SLC2A12: variants seen among roughly 807,000 people sequenced by gnomAD.
SLC2A12 encodes the protein solute carrier family 2 member 12, also known as solute carrier family 2, facilitated glucose transporter member 12.
A neutral mutation model predicts 41.8 loss-of-function variants in SLC2A12; 23 were observed. The ratio of observed to expected loss-of-function variants is 0.55; its 90% CI spans 0.40 to 0.78. The LOEUF is 0.78. SLC2A12 is among the 30% of genes least tolerant of loss of function. SLC2A12 has a pLI of 0.00. For missense variants in SLC2A12, 654 were observed against 745.6 expected (o/e 0.88, Z 1.43); for synonymous variants, 295 against 285.9 (o/e 1.03, Z -0.32).
Position 134,052,501 on chromosome 6 carries a change from C to G in SLC2A12, c.-21G>C. On this transcript the variant is annotated 5_prime_UTR_variant, in exon 1 of 5. Transcript: ENST00000275230. ...ACCATGGTCACGTAGAAGTTACAGCCGCTTCCCCGCCACCAAACCGCCCCG... is the reference window on the plus strand; with the variant it reads ...ACCATGGTCACGTAGAAGTTACAGCGGCTTCCCCGCCACCAAACCGCCCCG... 20 of 1,602,618 alleles carry G rather than the reference C, an allele frequency of 1.2e-5. No individual in the cohort carries two copies. Among genetic ancestry groups the G allele is most frequent in the Non-Finnish European group, 1.7e-5 (20 of 1,172,406 alleles).
intron 1 of SLC2A12, among the ~76,000 whole-genome samples, chr6:134,033,157 C>T (rs2114488172): frequency 6.6e-6 from 1 of 152,072 alleles, no homozygotes; most frequent in South Asian, 2.1e-4. Context: ...AGAGGGGGCA[C>T]TTCAAGTAGG....
rs577504435 is a variant in SLC2A12 at position 134,044,887 on chromosome 6, T to C, written c.103+7491A>G. ...CATTGACTCCTTCAACAATTAAGCA[T>C]GAACTATGTGCCAGCACTGTCTGGC... On this transcript the variant is annotated intron_variant, in intron 1 of 4. Transcript: ENST00000275230. Among the ~76,000 whole-genome samples, 23 of 152,304 alleles carry C rather than the reference T, an allele frequency of 1.5e-4. No homozygotes were observed. In the South Asian group the frequency reaches 4.4e-3, roughly 29 times the overall value.
intron 2 of SLC2A12, among the ~76,000 whole-genome samples, chr6:134,012,441 T>C (rs1397891210): frequency 6.6e-6 from 1 of 152,236 alleles, no homozygotes; most frequent in Non-Finnish European, 1.5e-5. Context: ...ACTATGGCAG[T>C]GGTCTTCAAA....
chr6:134,049,459 T>C (rs867402449), intron 1 of SLC2A12, among the ~76,000 whole-genome samples: 1 of 152,314 alleles, frequency 6.6e-6, no homozygotes, highest in Middle Eastern at 3.4e-3. Context: ...GCCACCAGGG[T>C]CAGTTCTGCA....
chr6:134,000,115 A>T (rs1468855875), intron 4 of SLC2A12, among the ~76,000 whole-genome samples: 1 of 152,220 alleles, frequency 6.6e-6, no homozygotes, highest in East Asian at 1.9e-4. Context: ...CCAAGGATAT[A>T]GCCAGCCTTC....
intron 1 of SLC2A12, among the ~76,000 whole-genome samples, chr6:134,040,058 G>GTTTT (rs11371413): frequency 1.4e-5 from 2 of 139,328 alleles, no homozygotes; most frequent in Admixed American, 7.1e-5. Context: ...GTTGTTTTTT[G>GTTTT]TTTTTTTTTT....
At chr6:134,044,713 T>TA (rs35658583) in intron 1 of SLC2A12, among the ~76,000 whole-genome samples, 42,050 of 100,234 alleles carry the variant, frequency 0.42, 8,696 homozygotes, top group South Asian at 0.58. Context: ...AAACTCCGTC[T>TA]AAAAAAAAAA....
In SLC2A12 at chr6:134,028,369, T is replaced by A. The variant is rs778615410; in HGVS notation, c.1444+12A>T. On this transcript the variant is annotated intron_variant, in intron 2 of 4. Coordinates refer to ENST00000275230, the MANE Select transcript of SLC2A12 (RefSeq NM_145176.3). ...TGGTCAAAAGCAATACATTAAAGAA[T>A]AAAGTACTTACTTGGTCCTAGACCA... is the stretch of plus-strand genomic sequence containing the variant. The A allele has an allele frequency of 1.3e-5, 20 of 1,588,514 alleles. No individual in the cohort carries two copies. In the African/African-American group the frequency reaches 2.4e-4, roughly 19 times the overall value.
chr6:134,007,944 T>C (rs1028742549), intron 2 of SLC2A12, among the ~76,000 whole-genome samples: 2 of 152,236 alleles, frequency 1.3e-5, no homozygotes, highest in African/African-American at 2.4e-5. Flanking sequence ...TTTGTCATTG[T>C]GCTTTATTGA....
chr6:134,012,119 T>C (rs113246333), intron 2 of SLC2A12, among the ~76,000 whole-genome samples: 44 of 152,360 alleles, frequency 2.9e-4, no homozygotes, highest in African/African-American at 1.0e-3. Context: ...GTGGTTGCTT[T>C]AATTTCTTGT....
chr6:134,003,887 T>G (rs1425482599), intron 3 of SLC2A12, among the ~76,000 whole-genome samples: 1 of 152,218 alleles, frequency 6.6e-6, no homozygotes, highest in Non-Finnish European at 1.5e-5. Context: ...TAAAAAATGT[T>G]GGTGTTTAAG....
At chr6:133,996,657 A>G (rs1235264170) in intron 4 of SLC2A12, among the ~76,000 whole-genome samples, 2 of 152,200 alleles carry the variant, frequency 1.3e-5, no homozygotes, top group Non-Finnish European at 2.9e-5. Context: ...CTTGGTGACA[A>G]AAGTTGATTC....
At chr6:133,998,657 C>G (rs1176134946) in intron 4 of SLC2A12, among the ~76,000 whole-genome samples, 1 of 152,244 alleles carries the variant, frequency 6.6e-6, no homozygotes, top group African/African-American at 2.4e-5. Context: ...CCTCCTACCT[C>G]AGCTTCCTGA....
rs368066290 is a variant in SLC2A12, at chr6:134,029,717, G to T, written c.108C>A (p.Cys36Ter). ...GSRHPPWARG[C>*]GMFTFLSSVT... ...CAGATGACAGGAAGGTAAACATGCCGCAGCCTGCAAGCAGAGAGAAGAGAC... is the reference window on the plus strand; with the variant it reads ...CAGATGACAGGAAGGTAAACATGCCTCAGCCTGCAAGCAGAGAGAAGAGAC... The change falls in exon 2 of 5, where the codon TGC becomes TGA. Residue 36 changes from cysteine to a stop codon, truncating the protein, a stop_gained. Transcript: ENST00000275230. LOFTEE classifies it high-confidence loss of function. 3.8e-6 allele frequency: 6 copies of T among 1,593,198 alleles called. No homozygotes were observed. The highest frequency in any genetic ancestry group is 4.5e-5 in the East Asian group (2 of 44,636).
At chr6:134,050,921 T>TTTATTA (rs368163308) in intron 1 of SLC2A12, among the ~76,000 whole-genome samples, 8 of 151,602 alleles carry the variant, frequency 5.3e-5, no homozygotes, top group Non-Finnish European at 8.8e-5. Context: ...CAGATATTCT[T>TTTATTA]TTATTATTAT....
At position 134,046,719 on chromosome 6, in the gene SLC2A12, G is replaced by A. The variant is rs556394272; in HGVS notation, c.103+5659C>T. Among the ~76,000 whole-genome samples the A allele has an allele frequency of 2.2e-4, 33 of 152,244 alleles. No homozygotes were observed. The South Asian group carries it at 2.3e-3, about 11-fold the overall frequency. Reference sequence around the variant, plus strand: ...CCAGCTTCTTGGGTGGCTGAGGCACGAAAACTGCTTGAACCCAGGAGGTGG... The same window carrying A: ...CCAGCTTCTTGGGTGGCTGAGGCACAAAAACTGCTTGAACCCAGGAGGTGG... On this transcript the variant is annotated intron_variant, in intron 1 of 4. Coordinates refer to ENST00000275230, the MANE Select transcript of SLC2A12 (RefSeq NM_145176.3).
At chr6:134,018,197 C>T (rs1776989736) in intron 2 of SLC2A12, among the ~76,000 whole-genome samples, 1 of 152,156 alleles carries the variant, frequency 6.6e-6, no homozygotes, top group African/African-American at 2.4e-5. Context: ...CTGTTCACCT[C>T]ATGTCTAGAC....
rs905641226 is a variant in SLC2A12, at chr6:133,990,146, C to G, written c.*1009G>C. ...GAACATGAGGGAATTGTCCTGATGT[C>G]TGAATGTCATTTATTGTGTCTTCAG... On this transcript the variant is annotated 3_prime_UTR_variant, in exon 5 of 5. Transcript: ENST00000275230. The G allele has an allele frequency of 6.5e-6, 1 of 152,756 alleles. No individual in the cohort carries two copies. Among genetic ancestry groups the G allele is most frequent in the Admixed American group, 6.5e-5 (1 of 15,304 alleles). The allele number at this position is 152,756 out of a possible 1,614,324, so 9.5% of individuals were successfully genotyped here. A position where few individuals can be genotyped will look rare whatever the true frequency, so the allele number is the denominator to read the frequency against.
rs369678921 is a variant in SLC2A12, at chr6:134,029,330, G to T, written c.495C>A (p.Gly165=). The part of the protein sequence containing the change: ...IAEIAPQHRR[G]LLVSLNELMI... Reference sequence around the variant, plus strand: ...TCAGCTCATTCAGTGACACAAGAAGGCCTCTTCTGTGTTGAGGAGCAATCT... The same window carrying T: ...TCAGCTCATTCAGTGACACAAGAAGTCCTCTTCTGTGTTGAGGAGCAATCT... Residue 165 remains glycine, a synonymous_variant, in exon 2 of 5, where the codon GGC becomes GGA. Transcript: ENST00000275230. 1.6e-5 allele frequency: 26 copies of T among 1,614,052 alleles called. No individual in the cohort carries two copies. The highest frequency in any genetic ancestry group is 2.2e-5 in the East Asian group (1 of 44,898).
Sources: gnomAD v4.1 joint callset for allele counts (sites outside exome capture counted in the v4.1 genomes callset) on GRCh38, gnomAD v4.1.1 for gene constraint, MANE v1.5 for transcripts, NCBI Gene and HGNC (gene_info 2026-07-23, HGNC 2026-07-21) for gene names.